Variants in GULP1 observed in about 807,000 individuals in gnomAD.
The protein encoded by GULP1 is GULP PTB domain containing engulfment adaptor 1.
A neutral mutation model predicts 40.9 loss-of-function variants in GULP1; 19 were observed. The ratio of observed to expected loss-of-function variants is 0.46; its 90% confidence interval spans 0.32 to 0.68. The LOEUF is 0.68. Ranked by LOEUF, GULP1 falls within the 30% of genes least tolerant of loss-of-function variation. The pLI is 0.03. For missense variants in GULP1, 312 were observed against 362.2 expected, an observed-to-expected ratio of 0.86 and a Z score of 1.12; for synonymous variants, 119 against 117.6, an observed-to-expected ratio of 1.01 and a Z score of -0.08.
intron 7 of GULP1, among the ~76,000 whole-genome samples, chr2:188,558,293 A>G (rs1374399806): frequency 6.6e-6 from 1 of 152,126 alleles, no homozygotes; most frequent in Non-Finnish European, 1.5e-5. Context: ...TACTATTCTC[A>G]TGGTAGTGAA....
At chr2:188,359,134 C>T (rs1238235933) in intron 1 of GULP1, among the ~76,000 whole-genome samples, 1 of 152,054 alleles carries the variant, frequency 6.6e-6, no homozygotes, top group Non-Finnish European at 1.5e-5. Context: ...AGTAAACATA[C>T]AACATCTTTA....
At chr2:188,453,381 T>C (rs1220483556) in intron 2 of GULP1, among the ~76,000 whole-genome samples, 2 of 152,152 alleles carry the variant, frequency 1.3e-5, no homozygotes, top group Admixed American at 6.5e-5. Flanking sequence ...TCTAGATCTT[T>C]TGCCCCCTTT....
At chr2:188,514,992 A>T (rs1468087270) in intron 4 of GULP1, among the ~76,000 whole-genome samples, 1 of 152,220 alleles carries the variant, frequency 6.6e-6, no homozygotes, top group Non-Finnish European at 1.5e-5. Context: ...GAGCTATTAC[A>T]AAGAGAGCTA....
intron 1 of GULP1, chr2:188,294,015 A>G (rs1467998730): frequency 6.6e-6 from 1 of 152,256 alleles, no homozygotes; most frequent in Non-Finnish European, 1.5e-5. Flanking sequence ...AGGAAATTAC[A>G]AAAAGGGCTC....
chr2:188,573,508 G>C (rs550382687), intron 9 of GULP1, among the ~76,000 whole-genome samples: 2 of 152,280 alleles, frequency 1.3e-5, no homozygotes, highest in South Asian at 2.1e-4. Flanking sequence ...TTTTACATCT[G>C]TTCTTTCTTA....
rs573491662 is a variant in GULP1 at position 188,413,281 on chromosome 2, A to G, written c.-45+29392A>G. 2.3e-4 allele frequency among the ~76,000 whole-genome samples: 35 copies of G among 152,252 alleles called. 1 individual carries two copies. The South Asian group carries it at 3.3e-3, about 14-fold the overall frequency. The stretch of plus-strand genomic sequence containing the variant: ...AGGAATCGCCACACTGTCTTCCACA[A>G]TGGTTGAACTAGTTTACACTCCCAA... On this transcript the variant is annotated intron_variant, in intron 2 of 11. Coordinates refer to ENST00000409830, the MANE Select transcript of GULP1 (RefSeq NM_016315.4).
chr2:188,580,279 C>T lies in GULP1; in HGVS notation c.610-3986C>T, dbSNP rs543491209. ...TATTACAATGGAGATCAAGGCCGGG[C>T]GCGGTGGCTCACGCCTGTAATCCCA... is the stretch of plus-strand genomic sequence containing the variant. On this transcript the variant is annotated intron_variant, in intron 9 of 11. Transcript: ENST00000409830. Among the ~76,000 whole-genome samples, 4 of 152,284 alleles carry T rather than the reference C, an allele frequency of 2.6e-5. No individual in the cohort carries two copies. The East Asian group carries it at 5.8e-4, about 22-fold the overall frequency.
intron 4 of GULP1, among the ~76,000 whole-genome samples, chr2:188,516,308 T>C (rs2065165529): frequency 6.6e-6 from 1 of 152,224 alleles, no homozygotes; most frequent in Admixed American, 6.5e-5. Flanking sequence ...AATTTGAAGT[T>C]ACTTTCTTCC....
chr2:188,352,614 T>TCACACACACACA (rs1326667036), intron 1 of GULP1, among the ~76,000 whole-genome samples: 159 of 60,390 alleles, frequency 2.6e-3, no homozygotes, highest in African/African-American at 0.014. Context: ...TCTCTCTCTC[T>TCACACACACACA]CTCTCACACA....
In GULP1 at chr2:188,460,644, C is replaced by G. The variant is rs948213214; in HGVS notation, c.-44-17015C>G. ...TTTCCAATTTGGCTGCCCTTTATTTCTTTCTCTTGTCTGATTTCTCCAGCT... is the reference window on the plus strand; with the variant it reads ...TTTCCAATTTGGCTGCCCTTTATTTGTTTCTCTTGTCTGATTTCTCCAGCT... On this transcript the variant is annotated intron_variant, in intron 2 of 11. Coordinates refer to ENST00000409830, the MANE Select transcript of GULP1 (RefSeq NM_016315.4). Among the ~76,000 whole-genome samples the G allele has an allele frequency of 1.1e-4, 16 of 152,044 alleles. 1 individual carries two copies. The highest frequency in any genetic ancestry group is 9.8e-4 in the Admixed American group (15 of 15,264).
At chr2:188,510,066 A>G (rs1186371480) in intron 4 of GULP1, among the ~76,000 whole-genome samples, 1 of 152,138 alleles carries the variant, frequency 6.6e-6, no homozygotes, top group African/African-American at 2.4e-5. Flanking sequence ...GAGGGGTGCT[A>G]GAGCATTTAA....
At chr2:188,293,606 T>TC (rs145139214) in intron 1 of GULP1, among the ~76,000 whole-genome samples, 21,191 of 152,178 alleles carry the variant, frequency 0.14, 1,597 homozygotes, top group Middle Eastern at 0.17. Context: ...CTTTCCCTTT[T>TC]CCCCCCATAT....
At chr2:188,361,903 C>T (rs566654560) in intron 1 of GULP1, among the ~76,000 whole-genome samples, 5 of 152,142 alleles carry the variant, frequency 3.3e-5, no homozygotes, top group African/African-American at 1.2e-4. Context: ...AATCTTGTTT[C>T]CATCATGATT....
intron 7 of GULP1, among the ~76,000 whole-genome samples, chr2:188,561,209 A>T (rs962191086): frequency 4.6e-5 from 7 of 152,174 alleles, no homozygotes; most frequent in Admixed American, 3.9e-4. Flanking sequence ...AGGCTGATAT[A>T]TGCTGGCAGT....
chr2:188,477,762 T>G, intron 3 of GULP1, 32 bp downstream of exon 3: 1 of 1,551,194 alleles, frequency 6.4e-7, no homozygotes, highest in Non-Finnish European at 8.8e-7. Context: ...AACTTGGGAG[T>G]CAAGCCAATG....
chr2:188,422,619 AAAAT>A (rs1278397319), intron 2 of GULP1, among the ~76,000 whole-genome samples: 1 of 152,024 alleles, frequency 6.6e-6, no homozygotes, highest in Non-Finnish European at 1.5e-5. Flanking sequence ...ACATTTATTT[AAAAT>A]AAATAGAGCA....
chr2:188,458,021 T>C (rs1207455590), intron 2 of GULP1, among the ~76,000 whole-genome samples: 1 of 152,170 alleles, frequency 6.6e-6, no homozygotes, highest in African/African-American at 2.4e-5. Flanking sequence ...ACCCCCATCA[T>C]CATACTCAGA....
chr2:188,587,945 T>TG lies in GULP1; in HGVS notation c.840dup (p.Gln281AlafsTer11). 6.7e-7 allele frequency: 1 copy of TG among 1,498,934 alleles called. No homozygotes were observed. Among genetic ancestry groups the TG allele is most frequent in the Non-Finnish European group, 9.3e-7 (1 of 1,074,804 alleles). 92.9% of individuals were successfully genotyped at this position (1,498,934 alleles called of 1,614,324 possible). A position where few individuals can be genotyped will look rare whatever the true frequency, so the allele number is the denominator to read the frequency against. On this transcript the variant is annotated frameshift_variant, in exon 11 of 12. Transcript: ENST00000409830. LOFTEE classifies it high-confidence loss of function. Reference sequence around the variant, plus strand: ...GATATTCAATCAAAATTAGATGAGATGCAGGTGACTATTTTGATAGACTGG... The same window carrying TG: ...GATATTCAATCAAAATTAGATGAGATGGCAGGTGACTATTTTGATAGACTGG...
chr2:188,550,245 A>G (rs1255041541), intron 7 of GULP1, among the ~76,000 whole-genome samples: 2 of 151,688 alleles, frequency 1.3e-5, no homozygotes, highest in African/African-American at 2.4e-5. Context: ...AATGCAGGCC[A>G]AAAAGAATTA....
Sources: allele counts gnomAD v4.1 joint callset (sites outside exome capture counted in the v4.1 genomes callset), GRCh38; gene constraint gnomAD v4.1.1; transcripts MANE v1.5; gene names NCBI Gene and HGNC (gene_info 2026-07-23, HGNC 2026-07-21).